PLPPR1: variants seen among roughly 807,000 people sequenced by gnomAD.
PLPPR1 encodes the protein phospholipid phosphatase-related protein type 1.
PLPPR1 carries 10 observed loss-of-function variants against 33.1 expected under a neutral mutation model. That is an observed-to-expected ratio of 0.30 (90% CI 0.19 to 0.51). The LOEUF is 0.51. PLPPR1 is among the 20% of genes least tolerant of loss of function. PLPPR1 has a pLI of 0.97. For missense variants in PLPPR1, 304 were observed against 408.1 expected, an observed-to-expected ratio of 0.74 and a Z score of 2.20; for synonymous variants, 151 against 151.0, an observed-to-expected ratio of 1.00 and a Z score of 0.00.
At chr9:101,175,240 G>A (rs1358107445) in intron 1 of PLPPR1, among the ~76,000 whole-genome samples, 1 of 151,782 alleles carries the variant, frequency 6.6e-6, no homozygotes, top group Non-Finnish European at 1.5e-5. Flanking sequence ...TTCCAACTAG[G>A]GCTGCATTAT....
At chr9:101,179,960 CT>C (rs1208639375) in intron 1 of PLPPR1, among the ~76,000 whole-genome samples, 1 of 151,464 alleles carries the variant, frequency 6.6e-6, no homozygotes, top group Non-Finnish European at 1.5e-5. Context: ...ATGCTGGATG[CT>C]TCCTGCCTTC....
At chr9:101,215,112 T>C (rs1196047968) in intron 2 of PLPPR1, among the ~76,000 whole-genome samples, 3 of 151,858 alleles carry the variant, frequency 2.0e-5, no homozygotes, top group Non-Finnish European at 4.4e-5. Flanking sequence ...AGTAAAGTTA[T>C]TTGAAATGTT....
intron 2 of PLPPR1, among the ~76,000 whole-genome samples, chr9:101,254,079 T>G (rs569649436): frequency 6.5e-4 from 99 of 152,238 alleles, no homozygotes; most frequent in South Asian, 3.7e-3. Flanking sequence ...AGACCAATTT[T>G]GTGGAAGACA....
chr9:101,272,246 C>CA (rs1828115093), intron 3 of PLPPR1, among the ~76,000 whole-genome samples: 1 of 151,976 alleles, frequency 6.6e-6, no homozygotes, highest in African/African-American at 2.4e-5. Flanking sequence ...AAATATTTCT[C>CA]AAAAAATAGT....
chr9:101,098,313 C>T lies in PLPPR1; in HGVS notation c.-46+69211C>T, dbSNP rs187847944. Among the ~76,000 whole-genome samples the T allele has an allele frequency of 4.3e-4, 64 of 148,476 alleles. 1 individual carries two copies. Among genetic ancestry groups the T allele is most frequent in the African/African-American group, 1.5e-3 (59 of 38,910 alleles). ...GGTGGGTCATGAGTATCAGGTAGAACGAATAAATGAGATGGGGGAGGAAGG... is the reference window on the plus strand; with the variant it reads ...GGTGGGTCATGAGTATCAGGTAGAATGAATAAATGAGATGGGGGAGGAAGG... On this transcript the variant is annotated intron_variant, in intron 1 of 7. Coordinates refer to ENST00000374874, the MANE Select transcript of PLPPR1 (RefSeq NM_207299.2).
chr9:101,244,237 G>A (rs981228333), intron 2 of PLPPR1, among the ~76,000 whole-genome samples: 22 of 151,996 alleles, frequency 1.4e-4, no homozygotes, highest in African/African-American at 5.3e-4. Flanking sequence ...GCTTTGCAGT[G>A]TAGGAATGTA....
chr9:101,176,655 A>G (rs1341620437), intron 1 of PLPPR1, among the ~76,000 whole-genome samples: 1 of 152,102 alleles, frequency 6.6e-6, no homozygotes, highest in Non-Finnish European at 1.5e-5. Flanking sequence ...CTACCCATGT[A>G]TAATAGGAGG....
chr9:101,150,894 G>A (rs1177147380), intron 1 of PLPPR1, among the ~76,000 whole-genome samples: 3 of 151,790 alleles, frequency 2.0e-5, no homozygotes, highest in Non-Finnish European at 2.9e-5. Flanking sequence ...AGTGGCTCTC[G>A]TTCTCGGTGC....
rs117184319 is a variant in PLPPR1, at chr9:101,047,535, G to A, written c.-46+18433G>A. 6.4e-4 allele frequency among the ~76,000 whole-genome samples: 98 copies of A among 152,162 alleles called. No homozygotes were observed. The East Asian group carries it at 0.018, about 28-fold the overall frequency. On this transcript the variant is annotated intron_variant, in intron 1 of 7. Coordinates refer to ENST00000374874, the MANE Select transcript of PLPPR1 (RefSeq NM_207299.2). Reference sequence around the variant, plus strand: ...TGGTGCATATTCTGTGCTTTGTGTCGGGAACACACCATTCCTTCCCTTCAT... The same window carrying A: ...TGGTGCATATTCTGTGCTTTGTGTCAGGAACACACCATTCCTTCCCTTCAT...
chr9:101,071,889 G>A (rs1830486338), intron 1 of PLPPR1, among the ~76,000 whole-genome samples: 1 of 152,126 alleles, frequency 6.6e-6, no homozygotes, highest in Non-Finnish European at 1.5e-5. Flanking sequence ...GGAAATCGTA[G>A]AAAGCCAGGT....
At chr9:101,147,650 CTG>C (rs1831536684) in intron 1 of PLPPR1, among the ~76,000 whole-genome samples, 1 of 152,160 alleles carries the variant, frequency 6.6e-6, no homozygotes, top group Non-Finnish European at 1.5e-5. Flanking sequence ...TTGGAGGTGA[CTG>C]TGCAGGAAAC....
intron 2 of PLPPR1, among the ~76,000 whole-genome samples, chr9:101,204,007 T>C (rs1448863207): frequency 1.3e-5 from 2 of 152,178 alleles, no homozygotes; most frequent in African/African-American, 2.4e-5. Context: ...GTGGAAACTT[T>C]GTGTGGATGT....
At chr9:101,127,600 C>A (rs768083209) in intron 1 of PLPPR1, among the ~76,000 whole-genome samples, 1 of 152,186 alleles carries the variant, frequency 6.6e-6, no homozygotes, top group Non-Finnish European at 1.5e-5. Context: ...CCTGGGAGAG[C>A]AAGGAGCAAA....
chr9:101,311,202 C>T (rs1160805411), intron 5 of PLPPR1, among the ~76,000 whole-genome samples: 11 of 152,174 alleles, frequency 7.2e-5, no homozygotes, highest in East Asian at 5.8e-4. Context: ...AAATGAGATA[C>T]GAAGTTCTTT....
intron 2 of PLPPR1, among the ~76,000 whole-genome samples, chr9:101,208,634 A>G (rs1030019307): frequency 6.6e-6 from 1 of 152,234 alleles, no homozygotes; most frequent in Non-Finnish European, 1.5e-5. Flanking sequence ...TGAATATAAT[A>G]TCCTTGGGGT....
At chr9:101,301,806 CATAG>C in intron 4 of PLPPR1, among the ~76,000 whole-genome samples, 1 of 152,298 alleles carries the variant, frequency 6.6e-6, no homozygotes, top group Middle Eastern at 3.4e-3. Flanking sequence ...GATGACATAT[CATAG>C]ATATTCAATC....
chr9:101,249,173 T>G (rs1827670818), intron 2 of PLPPR1, among the ~76,000 whole-genome samples: 1 of 152,040 alleles, frequency 6.6e-6, no homozygotes, highest in Non-Finnish European at 1.5e-5. Context: ...CCTACAAAAT[T>G]AAACCATCAG....
intron 2 of PLPPR1, among the ~76,000 whole-genome samples, chr9:101,247,827 C>G (rs1306967121): frequency 1.3e-5 from 2 of 151,956 alleles, no homozygotes; most frequent in Non-Finnish European, 2.9e-5. Flanking sequence ...ATTAAAGCAG[C>G]CTGATTATTG....
intron 4 of PLPPR1, among the ~76,000 whole-genome samples, chr9:101,305,819 A>C (rs780363449): frequency 2.2e-4 from 33 of 152,260 alleles, no homozygotes; most frequent in Admixed American, 1.6e-3. Flanking sequence ...TGCTGAGTCC[A>C]TAGCAGGAAT....
Sources: allele counts gnomAD v4.1 joint callset (sites outside exome capture counted in the v4.1 genomes callset), GRCh38; gene constraint gnomAD v4.1.1; transcripts MANE v1.5; gene names NCBI Gene and HGNC (gene_info 2026-07-23, HGNC 2026-07-21).